The following KLF8 variants were observed in gnomAD, a reference collection of about 807,000 sequenced individuals.
The protein encoded by KLF8 is KLF transcription factor 8, also known as Krueppel-like factor 8.
KLF8 carries 10 observed loss-of-function variants against 18.2 expected under a neutral mutation model. That is an observed-to-expected ratio of 0.55 (90% CI 0.34 to 0.93). The LOEUF (loss-of-function observed/expected upper bound fraction) is 0.93. Among genes scored for constraint, KLF8 ranks in the 40% least tolerant of loss-of-function variants. The pLI, the probability that KLF8 is intolerant of heterozygous loss-of-function variation, is 0.02. For synonymous variants in KLF8, 109 were observed against 97.3 expected (o/e 1.12, Z -0.71); for missense variants, 264 against 277.9 (o/e 0.95, Z 0.36).
At chrX:55,943,504 G>A in the KLF8 span, among the ~76,000 whole-genome samples, 1 of 111,369 alleles carries the variant, frequency 9.0e-6, no homozygotes, top group Non-Finnish European at 1.9e-5. Context: ...GGTTTCTGAT[G>A]ACTAGCAGCT....
chrX:56,088,996 A>G, the KLF8 span, among the ~76,000 whole-genome samples: 1 of 111,605 alleles, frequency 9.0e-6, no homozygotes, highest in Non-Finnish European at 1.9e-5. Context: ...CAAGCCCTTC[A>G]TCTATTTCTA....
At chrX:56,200,338 C>CA in the KLF8 span, among the ~76,000 whole-genome samples, 2 of 109,534 alleles carry the variant, frequency 1.8e-5, no homozygotes, top group African/African-American at 6.7e-5. Context: ...AAAATATCTA[C>CA]AAAAAATTAA....
the KLF8 span, among the ~76,000 whole-genome samples, chrX:56,109,411 G>A: frequency 1.7e-4 from 17 of 102,007 alleles, no homozygotes; most frequent in African/African-American, 6.0e-4. Context: ...AAAAAAAAAA[G>A]ATCGATTCTA....
At chrX:56,178,796 A>G in the KLF8 span, among the ~76,000 whole-genome samples, 2 of 111,518 alleles carry the variant, frequency 1.8e-5, no homozygotes, top group Non-Finnish European at 3.8e-5. Flanking sequence ...ATGGTTGTAG[A>G]TGTGTGGCAT....
rs1478816129 is a variant in KLF8 at position 56,288,688 on chromosome X, G to A, written c.*4194G>A. On this transcript the variant is annotated 3_prime_UTR_variant, in exon 6 of 6. Transcript: ENST00000468660. ...ATACCTTATTTTAAAATACTTTATT[G>A]CTAACATGTTACTGGCACAAACACG... Among the ~76,000 whole-genome samples the A allele has an allele frequency of 8.9e-6, 1 of 112,363 alleles. No homozygotes were observed. Among genetic ancestry groups the A allele is most frequent in the Non-Finnish European group, 1.9e-5 (1 of 53,301 alleles).
At chrX:56,108,844 G>A in the KLF8 span, among the ~76,000 whole-genome samples, 1 of 111,455 alleles carries the variant, frequency 9.0e-6, no homozygotes, top group African/African-American at 3.3e-5. Context: ...TTCCCACTGA[G>A]CATTGTTTTC....
At chrX:55,929,798 G>A in the KLF8 span, among the ~76,000 whole-genome samples, 1 of 108,344 alleles carries the variant, frequency 9.2e-6, no homozygotes, top group African/African-American at 3.4e-5. Flanking sequence ...AAGTCAGGTA[G>A]CATGATGCCT....
chrX:55,923,705 CGTGTGTGTGTGTGTGTGT>C, the KLF8 span, among the ~76,000 whole-genome samples: 13 of 98,283 alleles, frequency 1.3e-4, no homozygotes, highest in Admixed American at 3.4e-4. Context: ...TAAAGATCCA[CGTGTGTGTGTGTGTGTGT>C]GTGTGTGTGT....
chrX:56,198,900 C>A, the KLF8 span, among the ~76,000 whole-genome samples: 1 of 111,339 alleles, frequency 9.0e-6, no homozygotes, highest in Non-Finnish European at 1.9e-5. Flanking sequence ...AGTTATAGAC[C>A]AAAGGAACAG....
chrX:56,194,082 G>A, the KLF8 span, among the ~76,000 whole-genome samples: 1 of 110,783 alleles, frequency 9.0e-6, no homozygotes, highest in African/African-American at 3.3e-5. Context: ...CCTCTAACTC[G>A]GGGTGGGGAG....
chrX:56,288,837 C>T lies in KLF8; in HGVS notation c.*4343C>T, dbSNP rs376025806. Among the ~76,000 whole-genome samples the T allele has an allele frequency of 4.3e-4, 48 of 111,934 alleles. No individual in the cohort carries two copies. In the East Asian group the frequency reaches 6.5e-3, roughly 15 times the overall value. On this transcript the variant is annotated 3_prime_UTR_variant, in exon 6 of 6. Transcript: ENST00000468660. ...TGCAATAAAGTGAAGCACAATAAAA[C>T]GAGGTATGCCTGTATTTACATGACT... is the stretch of plus-strand genomic sequence containing the variant.
chrX:56,198,518 A>G, the KLF8 span, among the ~76,000 whole-genome samples: 1 of 112,043 alleles, frequency 8.9e-6, no homozygotes, highest in Non-Finnish European at 1.9e-5. Context: ...ATATGCAGGA[A>G]TCCAATTTAC....
the KLF8 span, among the ~76,000 whole-genome samples, chrX:56,016,592 C>T: frequency 6.3e-5 from 7 of 111,514 alleles, no homozygotes; most frequent in African/African-American, 2.3e-4. Context: ...CATGAATCTC[C>T]ACTGTAACAT....
the KLF8 span, among the ~76,000 whole-genome samples, chrX:55,997,011 G>T: frequency 8.9e-6 from 1 of 112,045 alleles, no homozygotes; most frequent in African/African-American, 3.2e-5. Flanking sequence ...AAAGCAGTGG[G>T]GGGAGGCTGT....
the KLF8 span, among the ~76,000 whole-genome samples, chrX:56,133,162 C>A: frequency 4.5e-5 from 5 of 111,384 alleles, no homozygotes; most frequent in African/African-American, 1.6e-4. Context: ...CTAAATCATT[C>A]CATGAAGCCA....
the KLF8 span, among the ~76,000 whole-genome samples, chrX:56,053,011 G>C: frequency 3.6e-5 from 4 of 111,895 alleles, no homozygotes; most frequent in Non-Finnish European, 7.5e-5. Flanking sequence ...CAGTAGTCAG[G>C]TGGGAGTGAC....
the KLF8 span, among the ~76,000 whole-genome samples, chrX:56,138,668 A>C: frequency 4.5e-5 from 5 of 111,374 alleles, no homozygotes; most frequent in South Asian, 3.8e-4. Context: ...AAGATACCTC[A>C]AAAAAATAAG....
chrX:56,207,327 C>T, the KLF8 span, among the ~76,000 whole-genome samples: 1 of 112,468 alleles, frequency 8.9e-6, no homozygotes, highest in Non-Finnish European at 1.9e-5. Context: ...ATTGCATCAT[C>T]AGGCTGCAAA....
At chrX:55,946,857 A>G in the KLF8 span, among the ~76,000 whole-genome samples, 1 of 111,904 alleles carries the variant, frequency 8.9e-6, no homozygotes, top group Non-Finnish European at 1.9e-5. Context: ...AAAAGAAGAC[A>G]TTTATGCAGC....
Sources: gnomAD v4.1 joint callset for allele counts (sites outside exome capture counted in the v4.1 genomes callset) on GRCh38, gnomAD v4.1.1 for gene constraint, MANE v1.5 for transcripts, NCBI Gene and HGNC (gene_info 2026-07-23, HGNC 2026-07-21) for gene names.